The following XPNPEP3 variants were observed in gnomAD, a reference collection of about 807,000 sequenced individuals.
The protein encoded by XPNPEP3 is X-prolyl aminopeptidase 3, also known as xaa-Pro aminopeptidase 3.
A neutral mutation model predicts 60.0 loss-of-function variants in XPNPEP3; 41 were observed. The observed-to-expected ratio is 0.68, with a 90% CI of 0.53 to 0.89. The LOEUF is 0.89. Among genes scored for constraint, XPNPEP3 ranks in the 40% least tolerant of loss-of-function variants. XPNPEP3 has a pLI of 0.00. For missense variants in XPNPEP3, 598 were observed against 638.9 expected (o/e 0.94, Z 0.69); for synonymous variants, 212 against 223.2 (o/e 0.95, Z 0.45).
In XPNPEP3 at chr22:40,891,179, CAAAAAAAAAA is replaced by C. The variant is rs989825018; in HGVS notation, c.792+4678_792+4687del. On this transcript the variant is annotated intron_variant, in intron 4 of 9. Transcript: ENST00000357137. Reference sequence around the variant, plus strand: ...GCCTCATAGTAAGACCCCATTTCTACAAAAAAAAAAAAAAAAAAAAAAAGTTTTTAATTAG... The same window carrying C: ...GCCTCATAGTAAGACCCCATTTCTACAAAAAAAAAAAAAGTTTTTAATTAG... 3.4e-4 allele frequency among the ~76,000 whole-genome samples: 15 copies of C among 43,950 alleles called. No homozygotes were observed. In the East Asian group the frequency reaches 0.012, roughly 35 times the overall value. 28.8% of individuals were successfully genotyped at this position (43,950 alleles called of 152,430 possible). A position where few individuals can be genotyped will look rare whatever the true frequency, so the allele number is the denominator to read the frequency against.
intron 4 of XPNPEP3, 139 bp from the exon 5 acceptor site, chr22:40,907,448 T>C: frequency 1.2e-6 from 1 of 812,634 alleles, no homozygotes; most frequent in Non-Finnish European, 2.1e-6. Context: ...AACTGTATTA[T>C]TACCCCCAGT....
At position 40,909,544 on chromosome 22, in the gene XPNPEP3, C is replaced by T. The variant is rs775469506; in HGVS notation, c.969+309C>T. Among the ~76,000 whole-genome samples the T allele has an allele frequency of 9.7e-4, 147 of 152,116 alleles. 2 individuals are homozygous for T. Among genetic ancestry groups the T allele is most frequent in the Middle Eastern group, 3.4e-3 (1 of 294 alleles). The stretch of plus-strand genomic sequence containing the variant: ...CTTTGAGAGGCCAAGGCGGGTGAAT[C>T]GCTTGAGGTCAGGGGTTCGAGACCA... On this transcript the variant is annotated intron_variant, in intron 6 of 9. Transcript: ENST00000357137.
intron 7 of XPNPEP3, among the ~76,000 whole-genome samples, chr22:40,920,878 C>T (rs1241353097): frequency 1.3e-5 from 2 of 152,110 alleles, no homozygotes; most frequent in African/African-American, 4.8e-5. Flanking sequence ...CCACAACCTT[C>T]GCCTCCCAGT....
At chr22:40,898,294 C>T (rs1205406653) in intron 4 of XPNPEP3, among the ~76,000 whole-genome samples, 15 of 95,426 alleles carry the variant, frequency 1.6e-4, no homozygotes, top group Admixed American at 4.5e-4. Flanking sequence ...TCGCCCAGGT[C>T]GGACTGCGGA....
Position 40,898,277 on chromosome 22 carries a change from C to T in XPNPEP3, c.793-9310C>T, listed in dbSNP as rs1324419441. Reference sequence around the variant, plus strand: ...TTTTTTTTTTTTTGAGACGGAGTCTCGCTCTGTCGCCCAGGTCGGACTGCG... The same window carrying T: ...TTTTTTTTTTTTTGAGACGGAGTCTTGCTCTGTCGCCCAGGTCGGACTGCG... On this transcript the variant is annotated intron_variant, in intron 4 of 9. Transcript: ENST00000357137. Among the ~76,000 whole-genome samples, 5 of 66,470 alleles carry T rather than the reference C, an allele frequency of 7.5e-5. No homozygotes were observed. In the East Asian group the frequency reaches 1.5e-3, roughly 20 times the overall value. The allele number at this position is 66,470 out of a possible 152,430, so 43.6% of individuals were successfully genotyped here. A position where few individuals can be genotyped will look rare whatever the true frequency, so the allele number is the denominator to read the frequency against.
intron 7 of XPNPEP3, among the ~76,000 whole-genome samples, chr22:40,920,649 GTC>G (rs763756109): frequency 1.3e-5 from 2 of 152,190 alleles, no homozygotes; most frequent in Non-Finnish European, 2.9e-5. Flanking sequence ...TGAATCCAGA[GTC>G]TCTGATTAGT....
At chr22:40,917,443 A>G (rs1026861329) in intron 7 of XPNPEP3, 1 of 152,174 alleles carries the variant, frequency 6.6e-6, no homozygotes, top group African/African-American at 2.4e-5. Flanking sequence ...AGTGACTGCT[A>G]ACAGATACAA....
intron 3 of XPNPEP3, among the ~76,000 whole-genome samples, chr22:40,883,144 T>C (rs892394844): frequency 6.6e-6 from 1 of 152,192 alleles, no homozygotes; most frequent in Admixed American, 6.5e-5. Flanking sequence ...AACTACTTCT[T>C]ATCTTAGTGC....
At position 40,886,206 on chromosome 22, in the gene XPNPEP3, G is replaced by T. The variant is rs1013460468; in HGVS notation, c.590-107G>T. The stretch of plus-strand genomic sequence containing the variant: ...AAGTCTCAACACTTTAGAGTTCCAC[G>T]TTACAGGTTTTATAGTTTTGACTCT... On this transcript the variant is annotated intron_variant, in intron 3 of 9. Transcript: ENST00000357137. 23 of 1,122,244 alleles carry T rather than the reference G, an allele frequency of 2.0e-5. No homozygotes were observed. The highest frequency in any genetic ancestry group is 2.8e-5 in the Non-Finnish European group (21 of 749,556). 69.5% of individuals were successfully genotyped at this position (1,122,244 alleles called of 1,614,324 possible).
rs1405110487 is a variant in XPNPEP3 at position 40,931,742 on chromosome 22, T to C, written c.*5307T>C. The C allele has an allele frequency of 6.6e-6, 1 of 152,040 alleles. No individual in the cohort carries two copies. Among genetic ancestry groups the C allele is most frequent in the Non-Finnish European group, 1.5e-5 (1 of 68,026 alleles). 9.4% of individuals were successfully genotyped at this position (152,040 alleles called of 1,614,324 possible). A position where few individuals can be genotyped will look rare whatever the true frequency, so the allele number is the denominator to read the frequency against. On this transcript the variant is annotated 3_prime_UTR_variant, in exon 10 of 10. Transcript: ENST00000357137. Reference sequence around the variant, plus strand: ...AGAAGAGAAAAACTGGAGTGAGAACTCTCCTCCTCTCATAATCATAGTATC... The same window carrying C: ...AGAAGAGAAAAACTGGAGTGAGAACCCTCCTCCTCTCATAATCATAGTATC...
At chr22:40,885,291 G>T (rs981594854) in intron 3 of XPNPEP3, among the ~76,000 whole-genome samples, 13 of 152,076 alleles carry the variant, frequency 8.5e-5, no homozygotes, top group Non-Finnish European at 1.9e-4. Flanking sequence ...AATACTGTTT[G>T]TAGCCTACTG....
intron 2 of XPNPEP3, among the ~76,000 whole-genome samples, chr22:40,872,796 A>G (rs376566330): frequency 6.6e-6 from 1 of 152,268 alleles, no homozygotes; most frequent in Middle Eastern, 3.4e-3. Flanking sequence ...TGTACAAGAA[A>G]GATGCTTCCA....
chr22:40,909,025 A>AT, intron 5 of XPNPEP3, 97 bp from the exon 6 acceptor site: 2 of 910,334 alleles, frequency 2.2e-6, no homozygotes, highest in South Asian at 2.7e-5. Context: ...ATGACTTAAG[A>AT]TAAGTACTGG....
Position 40,888,370 on chromosome 22 carries a change from A to G in XPNPEP3, c.792+1855A>G. The G allele has an allele frequency of 4.9e-6, 2 of 411,716 alleles. 1 individual carries two copies. The highest frequency in any genetic ancestry group is 3.5e-5 in the South Asian group (2 of 57,356). 25.5% of individuals were successfully genotyped at this position (411,716 alleles called of 1,614,324 possible). A position where few individuals can be genotyped will look rare whatever the true frequency, so the allele number is the denominator to read the frequency against. The stretch of plus-strand genomic sequence containing the variant: ...GTGATCCTCCCACCTTAGCCTCCCA[A>G]GTAGCTGGGACCATTGGTGCATGCC... On this transcript the variant is annotated intron_variant, in intron 4 of 9. Transcript: ENST00000357137.
chr22:40,916,256 C>T (rs140666990), intron 7 of XPNPEP3, among the ~76,000 whole-genome samples: 214 of 151,468 alleles, frequency 1.4e-3, no homozygotes, highest in African/African-American at 4.8e-3. Context: ...TGTACCACTG[C>T]ACTCCAGCTT....
At chr22:40,859,330 G>A (rs995168381) in intron 1 of XPNPEP3, among the ~76,000 whole-genome samples, 1 of 152,118 alleles carries the variant, frequency 6.6e-6, no homozygotes, top group African/African-American at 2.4e-5. Flanking sequence ...AAACTTTGAG[G>A]AATTTTAAGC....
chr22:40,867,313 C>G (rs1049215965), intron 1 of XPNPEP3, among the ~76,000 whole-genome samples: 11 of 152,116 alleles, frequency 7.2e-5, no homozygotes, highest in African/African-American at 2.4e-4. Flanking sequence ...TATCCCTCCC[C>G]CTTGCCGCTC....
intron 4 of XPNPEP3, among the ~76,000 whole-genome samples, chr22:40,893,325 C>T (rs1022724510): frequency 6.7e-6 from 1 of 150,062 alleles, no homozygotes; most frequent in African/African-American, 2.4e-5. Context: ...CTGACTAATA[C>T]GGAGAAACCC....
At chr22:40,865,619 C>T (rs964378666) in intron 1 of XPNPEP3, among the ~76,000 whole-genome samples, 3 of 145,888 alleles carry the variant, frequency 2.1e-5, no homozygotes, top group South Asian at 2.3e-4. Flanking sequence ...TGAGCCACTG[C>T]GCCTGGCATA....
Sources: gnomAD v4.1 joint callset for allele counts (sites outside exome capture counted in the v4.1 genomes callset) on GRCh38, gnomAD v4.1.1 for gene constraint, MANE v1.5 for transcripts, NCBI Gene and HGNC (gene_info 2026-07-23, HGNC 2026-07-21) for gene names.